The following CD2AP variants were observed in gnomAD, a reference collection of about 807,000 sequenced individuals.
CD2AP encodes CD2-associated protein.
Under a neutral mutation model 85.1 loss-of-function variants are expected in CD2AP, and 46 were observed. The observed-to-expected ratio is 0.54, with a 90% confidence interval of 0.43 to 0.69. The LOEUF (loss-of-function observed/expected upper bound fraction) is 0.69, where lower values mean the gene tolerates loss of function less well. Ranked by LOEUF, CD2AP falls within the 30% of genes least tolerant of loss-of-function variation. The pLI is 0.00. For missense variants in CD2AP, 769 were observed against 729.5 expected, an observed-to-expected ratio of 1.05 and a Z score of -0.62; for synonymous variants, 255 against 252.9, an observed-to-expected ratio of 1.01 and a Z score of -0.08.
intron 5 of CD2AP, among the ~76,000 whole-genome samples, chr6:47,571,982 G>T (rs1408550680): frequency 2.0e-5 from 3 of 152,106 alleles, no homozygotes. Context: ...AAGATGTTTT[G>T]GGCTGGATAA....
chr6:47,480,211 A>G (rs1442043637), intron 1 of CD2AP, among the ~76,000 whole-genome samples: 1 of 152,214 alleles, frequency 6.6e-6, no homozygotes, highest in African/African-American at 2.4e-5. Flanking sequence ...AAACATTTCC[A>G]TATCAATATA....
intron 4 of CD2AP, among the ~76,000 whole-genome samples, chr6:47,552,624 A>G (rs1767556898): frequency 6.6e-6 from 1 of 151,874 alleles, no homozygotes. Flanking sequence ...ATTTTTGTGT[A>G]TTTTTTTACC....
At chr6:47,613,489 TC>T (rs1769500718) in intron 17 of CD2AP, among the ~76,000 whole-genome samples, 1 of 150,566 alleles carries the variant, frequency 6.6e-6, no homozygotes, top group Admixed American at 6.6e-5. Flanking sequence ...CAGTGAGCGT[TC>T]ATATTTTAAA....
At chr6:47,619,490 C>T (rs1291265392) in intron 17 of CD2AP, among the ~76,000 whole-genome samples, 3 of 152,176 alleles carry the variant, frequency 2.0e-5, no homozygotes, top group Non-Finnish European at 2.9e-5. Context: ...TGGGTTGGTT[C>T]CATGATTTTG....
intron 2 of CD2AP, among the ~76,000 whole-genome samples, chr6:47,513,244 T>C (rs534650460): frequency 2.0e-5 from 3 of 152,186 alleles, no homozygotes; most frequent in South Asian, 2.1e-4. Context: ...TAAATCCTGG[T>C]GCTCACTTTC....
chr6:47,545,593 G>A (rs1252989311), intron 4 of CD2AP, among the ~76,000 whole-genome samples: 1 of 152,058 alleles, frequency 6.6e-6, no homozygotes, highest in Non-Finnish European at 1.5e-5. Flanking sequence ...CCTTCACAGA[G>A]TTCATTTCAA....
intron 2 of CD2AP, among the ~76,000 whole-genome samples, chr6:47,509,436 G>GT (rs1766260418): frequency 2.2e-5 from 2 of 91,512 alleles, no homozygotes; most frequent in Non-Finnish European, 5.5e-5. Context: ...CCTTCAATTT[G>GT]TAAAAAAAAA....
rs551634159 is a variant in CD2AP, at chr6:47,542,633, G to T, written c.320-1973G>T. On this transcript the variant is annotated intron_variant, in intron 3 of 17. Transcript: ENST00000359314. ...CCCTCACCAGATATAAAATCTGCTG[G>T]CACTTTGATCTTGGATTTCTCAGAC... is the stretch of plus-strand genomic sequence containing the variant. Among the ~76,000 whole-genome samples the T allele has an allele frequency of 8.5e-5, 13 of 152,176 alleles. No individual in the cohort carries two copies. The East Asian group carries it at 2.5e-3, about 29-fold the overall frequency.
chr6:47,566,675 T>C (rs748372531), intron 5 of CD2AP, among the ~76,000 whole-genome samples: 4 of 152,170 alleles, frequency 2.6e-5, no homozygotes, highest in Non-Finnish European at 5.9e-5. Flanking sequence ...CCATGTATTC[T>C]CATTGTTCAA....
intron 11 of CD2AP, 129 bp downstream of exon 11, chr6:47,582,194 T>G (rs1455356723): frequency 1.5e-6 from 1 of 672,746 alleles, no homozygotes; most frequent in Non-Finnish European, 2.7e-6. Context: ...TTAACAATGC[T>G]TGGAGTTTTC....
At chr6:47,497,188 A>G (rs554529346) in intron 1 of CD2AP, among the ~76,000 whole-genome samples, 12 of 151,316 alleles carry the variant, frequency 7.9e-5, no homozygotes, top group Non-Finnish European at 1.5e-4. Flanking sequence ...ATATGATTAT[A>G]TTTTTCCTTT....
At chr6:47,591,899 A>G (rs1001033621) in intron 11 of CD2AP, among the ~76,000 whole-genome samples, 1 of 152,044 alleles carries the variant, frequency 6.6e-6, no homozygotes, top group Admixed American at 6.6e-5. Context: ...GTCATAGCCC[A>G]CTGCAACCTC....
intron 12 of CD2AP, among the ~76,000 whole-genome samples, chr6:47,598,453 C>A (rs1769009692): frequency 6.6e-6 from 1 of 151,022 alleles, no homozygotes; most frequent in African/African-American, 2.4e-5. Context: ...CTTGCACATG[C>A]ATGTTTATAG....
At chr6:47,576,740 G>T in intron 7 of CD2AP, 138 bp downstream of exon 7, 1 of 715,736 alleles carries the variant, frequency 1.4e-6, no homozygotes. Context: ...ATGAGGTCAA[G>T]GATTTTGATA....
intron 1 of CD2AP, among the ~76,000 whole-genome samples, chr6:47,486,818 C>T (rs1765576588): frequency 6.6e-6 from 1 of 152,018 alleles, no homozygotes; most frequent in African/African-American, 2.4e-5. Context: ...AATAAAGGGC[C>T]ACAGTGTTTT....
intron 1 of CD2AP, among the ~76,000 whole-genome samples, chr6:47,491,808 A>G (rs879429747): frequency 1.3e-5 from 2 of 152,028 alleles, no homozygotes; most frequent in Non-Finnish European, 2.9e-5. Flanking sequence ...TTTTTGTTTA[A>G]ATACTGATTT....
chr6:47,618,578 C>T (rs187656876), intron 17 of CD2AP, among the ~76,000 whole-genome samples: 140 of 152,086 alleles, frequency 9.2e-4, no homozygotes, highest in African/African-American at 3.1e-3. Context: ...ATCTTAAATT[C>T]GCAGCATGTA....
chr6:47,489,783 T>C (rs1765676789), intron 1 of CD2AP, among the ~76,000 whole-genome samples: 1 of 152,182 alleles, frequency 6.6e-6, no homozygotes, highest in South Asian at 2.1e-4. Context: ...GTTCTCATTT[T>C]AAAACTCGTC....
At chr6:47,537,860 C>T (rs907210449) in intron 3 of CD2AP, among the ~76,000 whole-genome samples, 2 of 151,694 alleles carry the variant, frequency 1.3e-5, no homozygotes, top group African/African-American at 4.9e-5. Flanking sequence ...CAGCTCACTG[C>T]AGCCTCAGCC....
Sources: allele counts gnomAD v4.1 joint callset (sites outside exome capture counted in the v4.1 genomes callset), GRCh38; gene constraint gnomAD v4.1.1; transcripts MANE v1.5; gene names NCBI Gene and HGNC (gene_info 2026-07-23, HGNC 2026-07-21).